Variants in RCAN2 observed in about 807,000 individuals in gnomAD.
RCAN2 encodes regulator of calcineurin 2, also known as calcipressin-2.
In RCAN2, 9 loss-of-function variants were observed where a neutral mutation model predicts 23.6. That is an observed-to-expected ratio of 0.38 (90% CI 0.23 to 0.67). The LOEUF (loss-of-function observed/expected upper bound fraction) is 0.67, where lower values mean the gene tolerates loss of function less well. RCAN2 is among the 30% of genes least tolerant of loss of function. The pLI, the probability that RCAN2 is intolerant of heterozygous loss-of-function variation, is 0.51. For missense variants in RCAN2, 273 were observed against 302.3 expected (o/e 0.90, Z 0.72); for synonymous variants, 109 against 115.7 (o/e 0.94, Z 0.37).
chr6:46,329,753 A>G (rs531854918), intron 2 of RCAN2, among the ~76,000 whole-genome samples: 217 of 152,252 alleles, frequency 1.4e-3, no homozygotes, highest in Middle Eastern at 3.4e-3. Flanking sequence ...AAACCTTGGG[A>G]TTCATCCAAA....
At chr6:46,457,371 A>G (rs1768070751) in intron 1 of RCAN2, among the ~76,000 whole-genome samples, 1 of 152,188 alleles carries the variant, frequency 6.6e-6, no homozygotes, top group Non-Finnish European at 1.5e-5. Flanking sequence ...TCTCCACAAT[A>G]GTCTATAAGG....
intron 2 of RCAN2, among the ~76,000 whole-genome samples, chr6:46,435,665 G>A (rs1767343380): frequency 6.6e-6 from 1 of 152,170 alleles, no homozygotes; most frequent in Admixed American, 6.5e-5. Flanking sequence ...AATTTGAAAT[G>A]CCTTTAATTA....
At chr6:46,419,851 T>C (rs1179727219) in intron 2 of RCAN2, among the ~76,000 whole-genome samples, 1 of 152,196 alleles carries the variant, frequency 6.6e-6, no homozygotes. Flanking sequence ...GGTTCATTTA[T>C]TCTTCGTGTT....
intron 2 of RCAN2, among the ~76,000 whole-genome samples, chr6:46,316,261 G>T (rs1763434430): frequency 6.6e-6 from 1 of 152,222 alleles, no homozygotes; most frequent in African/African-American, 2.4e-5. Flanking sequence ...TGTTCTGTCT[G>T]CCAGTCATTA....
intron 2 of RCAN2, among the ~76,000 whole-genome samples, chr6:46,284,242 C>T (rs1291018441): frequency 6.6e-6 from 1 of 151,952 alleles, no homozygotes; most frequent in African/African-American, 2.4e-5. Flanking sequence ...GGCCTTAGAG[C>T]CTAAAGGTGG....
chr6:46,460,720 T>C (rs945606158), intron 1 of RCAN2, among the ~76,000 whole-genome samples: 6 of 152,190 alleles, frequency 3.9e-5, no homozygotes, highest in African/African-American at 1.4e-4. Flanking sequence ...TCCATGTATC[T>C]ACAGGAAAAT....
At chr6:46,273,361 A>G (rs1030297270) in intron 2 of RCAN2, among the ~76,000 whole-genome samples, 5 of 152,242 alleles carry the variant, frequency 3.3e-5, no homozygotes, top group African/African-American at 1.2e-4. Context: ...TGATAACATT[A>G]ACATTATGGT....
intron 2 of RCAN2, among the ~76,000 whole-genome samples, chr6:46,399,687 T>C (rs936431626): frequency 6.6e-6 from 1 of 151,964 alleles, no homozygotes; most frequent in African/African-American, 2.4e-5. Context: ...GGCTTCTAGA[T>C]GAGTTACTCC....
At position 46,220,991 on chromosome 6, in the gene RCAN2, TCC is replaced by T. The variant is rs1765458096; in HGVS notation, c.*2148_*2149del. Reference sequence around the variant, plus strand: ...GTTCTCCTAGGAAAAGCCCCTCTTTTCCCCCCTCCCCAAACCCAACCTAGTGA... The same window carrying T: ...GTTCTCCTAGGAAAAGCCCCTCTTTTCCCCTCCCCAAACCCAACCTAGTGA... On this transcript the variant is annotated 3_prime_UTR_variant, in exon 5 of 5. Coordinates refer to ENST00000371374, the MANE Select transcript of RCAN2 (RefSeq NM_001251974.2). 6.6e-6 allele frequency: 1 copy of T among 152,182 alleles called. No homozygotes were observed. The highest frequency in any genetic ancestry group is 6.6e-5 in the Admixed American group (1 of 15,188). The allele number at this position is 152,182 out of a possible 1,614,324, so 9.4% of individuals were successfully genotyped here. A position where few individuals can be genotyped will look rare whatever the true frequency, so the allele number is the denominator to read the frequency against.
chr6:46,260,059 G>T (rs1767060153), intron 2 of RCAN2, among the ~76,000 whole-genome samples: 1 of 152,100 alleles, frequency 6.6e-6, no homozygotes, highest in Non-Finnish European at 1.5e-5. Flanking sequence ...AGGCAGAATT[G>T]ATCACATCAT....
intron 1 of RCAN2, among the ~76,000 whole-genome samples, chr6:46,486,003 C>T (rs1768981158): frequency 6.6e-6 from 1 of 152,162 alleles, no homozygotes; most frequent in South Asian, 2.1e-4. Context: ...TGGTACTATA[C>T]CAGGCCCACC....
At position 46,268,020 on chromosome 6, in the gene RCAN2, A is replaced by C. The variant is rs539209910; in HGVS notation, c.226-19124T>G. ...GGTAGAAAAAAAAATAGCCACATAG[A>C]GAAGTAACTGTAATGGTCATATATG... On this transcript the variant is annotated intron_variant, in intron 2 of 4. Transcript: ENST00000371374. Among the ~76,000 whole-genome samples the C allele has an allele frequency of 5.9e-5, 9 of 152,332 alleles. No homozygotes were observed. In the East Asian group the frequency reaches 1.5e-3, roughly 26 times the overall value.
At chr6:46,246,627 G>T in intron 4 of RCAN2, 121 bp downstream of exon 4, 3 of 798,654 alleles carry the variant, frequency 3.8e-6, no homozygotes, top group Non-Finnish European at 6.0e-6. Context: ...CCACACAGAG[G>T]AATAAATCTA....
At chr6:46,348,040 G>A (rs973301743) in intron 2 of RCAN2, among the ~76,000 whole-genome samples, 7 of 152,280 alleles carry the variant, frequency 4.6e-5, no homozygotes, top group African/African-American at 1.4e-4. Context: ...ATACTACATT[G>A]TGATTTAAAT....
chr6:46,257,267 A>G (rs552436212), intron 2 of RCAN2, among the ~76,000 whole-genome samples: 2 of 152,334 alleles, frequency 1.3e-5, no homozygotes, highest in Admixed American at 1.3e-4. Context: ...TTAACTCTAA[A>G]TCAGACAGGT....
At chr6:46,363,423 T>A (rs1400387555) in intron 2 of RCAN2, among the ~76,000 whole-genome samples, 2 of 152,166 alleles carry the variant, frequency 1.3e-5, no homozygotes, top group Non-Finnish European at 2.9e-5. Context: ...TAAATTTCAC[T>A]TTAAAAATGT....
intron 2 of RCAN2, among the ~76,000 whole-genome samples, chr6:46,400,236 G>C (rs1766211344): frequency 6.6e-6 from 1 of 152,148 alleles, no homozygotes; most frequent in Non-Finnish European, 1.5e-5. Context: ...ACTTTCCTTA[G>C]CACTTAGTCA....
intron 2 of RCAN2, among the ~76,000 whole-genome samples, chr6:46,352,920 C>T (rs1056706814): frequency 1.3e-5 from 2 of 152,154 alleles, no homozygotes; most frequent in South Asian, 2.1e-4. Context: ...AGTCCAATGA[C>T]CACAGACAAG....
chr6:46,399,784 A>T (rs1326619029), intron 2 of RCAN2, among the ~76,000 whole-genome samples: 1 of 152,006 alleles, frequency 6.6e-6, no homozygotes, highest in African/African-American at 2.4e-5. Context: ...TACACTTGTC[A>T]TTGGATTTAG....
Sources: gnomAD v4.1 joint callset for allele counts (sites outside exome capture counted in the v4.1 genomes callset) on GRCh38, gnomAD v4.1.1 for gene constraint, MANE v1.5 for transcripts, NCBI Gene and HGNC (gene_info 2026-07-23, HGNC 2026-07-21) for gene names.